The following MUTYH variants were observed in gnomAD, a reference collection of about 807,000 sequenced individuals.
MUTYH encodes the protein adenine DNA glycosylase.
In MUTYH, 64 loss-of-function variants were observed where a neutral mutation model predicts 72.9. That is an observed-to-expected ratio of 0.88 (90% CI 0.72 to 1.08). The LOEUF is 1.08. Among genes scored for constraint, MUTYH ranks in the 50% least tolerant of loss-of-function variants. MUTYH has a pLI of 0.00. For missense variants in MUTYH, 633 were observed against 671.0 expected, an observed-to-expected ratio of 0.94 and a Z score of 0.63; for synonymous variants, 234 against 263.1, an observed-to-expected ratio of 0.89 and a Z score of 1.07.
Position 45,333,284 on chromosome 1 carries a change from C to A in MUTYH, c.304+1G>T. ...GCCCTGCTCTCAGGAGATGTACTGA[C>A]CAGCATATGCCCGCCTGTCCAGGTC... On this transcript the variant is annotated splice_donor_variant, in intron 4 of 15. Coordinates refer to ENST00000456914, the MANE Select transcript of MUTYH (RefSeq NM_001048174.2). LOFTEE classifies it high-confidence loss of function. 1 of 1,614,238 alleles carries A rather than the reference C, an allele frequency of 6.2e-7. No homozygotes were observed.
rs577542506 is a variant in MUTYH at position 45,331,450 on chromosome 1, G to C, written c.1209C>G (p.Leu403=). 3.7e-6 allele frequency: 6 copies of C among 1,614,254 alleles called. No individual in the cohort carries two copies. Among genetic ancestry groups the C allele is most frequent in the Middle Eastern group, 3.3e-4 (2 of 6,062 alleles). The change falls in exon 13 of 16, where the codon CTC becomes CTG. Residue 403 remains leucine, a synonymous_variant. Coordinates refer to ENST00000456914, the MANE Select transcript of MUTYH (RefSeq NM_001048174.2). ...LQELQRWAGP[L]PATHLRHLGE... The stretch of plus-strand genomic sequence containing the variant: ...CAAGGTGCCGGAGGTGCGTGGCTGG[G>C]AGGGGCCCAGCCCAACGCTGTAGTT...
At chr1:45,339,689 G>T in intron 1 of MUTYH, 1 of 532,170 alleles carries the variant, frequency 1.9e-6, no homozygotes, top group Non-Finnish European at 3.2e-6. Flanking sequence ...ACCCTGGGCA[G>T]CCTCCTCCGA....
rs746276682 is a variant in MUTYH at position 45,333,404 on chromosome 1, C to T, written c.264+9G>A. 6.2e-7 allele frequency: 1 copy of T among 1,614,182 alleles called. No homozygotes were observed. The highest frequency in any genetic ancestry group is 1.1e-5 in the South Asian group (1 of 91,086). On this transcript the variant is annotated intron_variant, in intron 3 of 15. Coordinates refer to ENST00000456914, the MANE Select transcript of MUTYH (RefSeq NM_001048174.2). ...TCCCACCCACTGTCCCTGCTCCTCG[C>T]CTGCCTACCCGTCTTCTCCATGGTA... is the stretch of plus-strand genomic sequence containing the variant.
chr1:45,334,265 A>G lies in MUTYH; in HGVS notation c.115+126T>C, dbSNP rs146460645. The G allele has an allele frequency of 4.6e-4, 653 of 1,424,300 alleles. 7 individuals carry two copies. In the East Asian group the frequency reaches 0.011, roughly 24 times the overall value. The allele number at this position is 1,424,300 out of a possible 1,614,324, so 88.2% of individuals were successfully genotyped here. ...CGGCCTCCCAAAGTGCTGGGATTAC[A>G]GGTGTGAGCCACCGCACCTGGCCCT... On this transcript the variant is annotated intron_variant, in intron 2 of 15. Coordinates refer to ENST00000456914, the MANE Select transcript of MUTYH (RefSeq NM_001048174.2).
At position 45,332,673 on chromosome 1, in the gene MUTYH, T is replaced by G. The variant is rs754061478; in HGVS notation, c.507A>C (p.Leu169=). The change falls in exon 8 of 16, where the codon CTA becomes CTC. Residue 169 remains leucine (L), a synonymous_variant. Transcript: ENST00000456914. ...CTGCTGTACGTGGCATGTGGCCCCC[T>G]AGCTCCTCTACCACCTGATTGGAGT... ...QEGARKVVEE[L]GGHMPRTAET... 2 of 1,614,132 alleles carry G rather than the reference T, an allele frequency of 1.2e-6. No homozygotes were observed. The highest frequency in any genetic ancestry group is 3.3e-5 in the Admixed American group (2 of 60,026).
intron 1 of MUTYH, 143 bp downstream of exon 1, chr1:45,339,756 T>G (rs545047858): frequency 9.3e-7 from 1 of 1,074,534 alleles, no homozygotes; most frequent in African/African-American, 1.6e-5. Context: ...CCATCCTCTC[T>G]GGGAATTTAC....
In MUTYH at chr1:45,332,192, C is replaced by T. The variant is rs752934398; in HGVS notation, c.823G>A (p.Glu275Lys). Residue 275 changes from glutamate to lysine, a missense_variant, in exon 10 of 16, where the codon GAG becomes AAG. Glu to Lys is a moderately conservative substitution (Grantham distance 56). Coordinates refer to ENST00000456914, the MANE Select transcript of MUTYH (RefSeq NM_001048174.2). ...QRPLCSQCPVESLCRARQRVE... is the reference protein window; with the variant it reads ...QRPLCSQCPVKSLCRARQRVE... ...CTCTGGCGTGCCCGGCACAGGCTCT[C>T]CACAGGGCACTGGCTGCACAGTGGG... The T allele has an allele frequency of 1.2e-6, 2 of 1,614,250 alleles. No homozygotes were observed. Among genetic ancestry groups the T allele is most frequent in the Non-Finnish European group, 8.5e-7 (1 of 1,180,040 alleles).
chr1:45,337,020 T>C (rs950136835), intron 1 of MUTYH, among the ~76,000 whole-genome samples: 12 of 152,148 alleles, frequency 7.9e-5, no homozygotes, highest in Admixed American at 4.6e-4. Flanking sequence ...CTTCCCTTCA[T>C]AGCCAAACTT....
rs1475004261 is a variant in MUTYH at position 45,332,670 on chromosome 1, C to T, written c.510G>A (p.Gly170=). The T allele has an allele frequency of 1.2e-6, 2 of 1,614,134 alleles. No individual in the cohort carries two copies. The highest frequency in any genetic ancestry group is 8.5e-7 in the Non-Finnish European group (1 of 1,180,004). ...EGARKVVEEL[G]GHMPRTAETL... is the part of the protein sequence containing the mutation. ...TCTCTGCTGTACGTGGCATGTGGCCCCCTAGCTCCTCTACCACCTGATTGG... is the reference window on the plus strand; with the variant it reads ...TCTCTGCTGTACGTGGCATGTGGCCTCCTAGCTCCTCTACCACCTGATTGG... The change falls in exon 8 of 16, where the codon GGG becomes GGA. Residue 170 remains glycine, a synonymous_variant. Transcript: ENST00000456914.
rs2149141851 is a variant in MUTYH, at chr1:45,332,353, G to A, written c.704+38C>T. On this transcript the variant is annotated intron_variant, in intron 9 of 15. Coordinates refer to ENST00000456914, the MANE Select transcript of MUTYH (RefSeq NM_001048174.2). Reference sequence around the variant, plus strand: ...TGCTGTGAAGCAGAGCTCCTTTGCAGACACCCCTGAAGCACCCTTGTTACC... The same window carrying A: ...TGCTGTGAAGCAGAGCTCCTTTGCAAACACCCCTGAAGCACCCTTGTTACC... 6.2e-7 allele frequency: 1 copy of A among 1,614,110 alleles called. No homozygotes were observed. Among genetic ancestry groups the A allele is most frequent in the Non-Finnish European group, 8.5e-7 (1 of 1,179,998 alleles).
chr1:45,337,626 T>TA (rs1646098056), intron 1 of MUTYH, among the ~76,000 whole-genome samples: 1 of 152,132 alleles, frequency 6.6e-6, no homozygotes, highest in African/African-American at 2.4e-5. Context: ...GTAATCCTGC[T>TA]ACTCTGGAGG....
chr1:45,339,152 G>C (rs942325312), intron 1 of MUTYH, among the ~76,000 whole-genome samples: 1 of 151,556 alleles, frequency 6.6e-6, no homozygotes, highest in Non-Finnish European at 1.5e-5. Context: ...GCACTGGAAG[G>C]CAGAGGTGGA....
intron 1 of MUTYH, among the ~76,000 whole-genome samples, chr1:45,336,830 T>G (rs1435715411): frequency 6.6e-6 from 1 of 151,996 alleles, no homozygotes; most frequent in Non-Finnish European, 1.5e-5. Context: ...GTATATAAAC[T>G]CACGAACTCT....
intron 15 of MUTYH, 132 bp downstream of exon 15, chr1:45,330,384 T>G: frequency 9.2e-7 from 1 of 1,091,720 alleles, no homozygotes; most frequent in Non-Finnish European, 1.4e-6. Flanking sequence ...GGTCTCCAGG[T>G]CAAGAACTAT....
chr1:45,339,925 A>G lies in MUTYH; in HGVS notation c.-33T>C, dbSNP rs1239564075. The G allele has an allele frequency of 1.4e-6, 2 of 1,452,746 alleles. No homozygotes were observed. Among genetic ancestry groups the G allele is most frequent in the Non-Finnish European group, 1.8e-6 (2 of 1,083,900 alleles). The allele number at this position is 1,452,746 out of a possible 1,614,324, so 90.0% of individuals were successfully genotyped here. A position where few individuals can be genotyped will look rare whatever the true frequency, so the allele number is the denominator to read the frequency against. On this transcript the variant is annotated 5_prime_UTR_variant, in exon 1 of 16. Transcript: ENST00000456914. The stretch of plus-strand genomic sequence containing the variant: ...CGCGGCCCACGCTGATGAAGACAGC[A>G]GAACACGGAGGCCCCGCGTTCCCGC...
rs539195621 is a variant in MUTYH at position 45,329,790 on chromosome 1, C to A, written c.1435-353G>T. 5.3e-5 allele frequency: 14 copies of A among 263,882 alleles called. No homozygotes were observed. The South Asian group carries it at 8.4e-4, about 16-fold the overall frequency. 16.3% of individuals were successfully genotyped at this position (263,882 alleles called of 1,614,324 possible). On this transcript the variant is annotated intron_variant, in intron 15 of 15. Coordinates refer to ENST00000456914, the MANE Select transcript of MUTYH (RefSeq NM_001048174.2). Reference sequence around the variant, plus strand: ...GCACTGCAGCCTGCACTGGGCTCCACCTTTGCTCACACTACTCTTGGGACT... The same window carrying A: ...GCACTGCAGCCTGCACTGGGCTCCAACTTTGCTCACACTACTCTTGGGACT...
intron 15 of MUTYH, 98 bp downstream of exon 15, chr1:45,330,413 CTGGAG>C: frequency 3.9e-6 from 5 of 1,298,654 alleles, no homozygotes; most frequent in Non-Finnish European, 5.5e-6. Flanking sequence ...CCAGTGAAGC[CTGGAG>C]TGGAGAATGT....
rs201207780 is a variant in MUTYH at position 45,333,183 on chromosome 1, G to A, written c.305-13C>T. On this transcript the variant is annotated splice_polypyrimidine_tract_variant and intron_variant, in intron 4 of 15. Transcript: ENST00000456914. ...TCTGAGACCCACACTGGGGGAAAGG[G>A]GTTGGCATGAGGACACTGCTGACCT... 5 of 1,614,100 alleles carry A rather than the reference G, an allele frequency of 3.1e-6. No homozygotes were observed. In the African/African-American group the frequency reaches 6.7e-5, roughly 22 times the overall value.
chr1:45,338,248 T>C (rs1646235971), intron 1 of MUTYH: 1 of 532,892 alleles, frequency 1.9e-6, no homozygotes. Flanking sequence ...GTCCTCTTAC[T>C]ACAGCCTTGC....
Sources: gnomAD v4.1 joint callset for allele counts (sites outside exome capture counted in the v4.1 genomes callset) on GRCh38, gnomAD v4.1.1 for gene constraint, MANE v1.5 for transcripts, NCBI Gene and HGNC (gene_info 2026-07-23, HGNC 2026-07-21) for gene names.